Variants in PLCB4 observed in about 807,000 individuals in gnomAD.
PLCB4 encodes the protein phospholipase C beta 4, also known as 1-phosphatidylinositol 4,5-bisphosphate phosphodiesterase beta-4.
Under a neutral mutation model 178.8 loss-of-function variants are expected in PLCB4, and 77 were observed. That is an observed-to-expected ratio of 0.43 (90% CI 0.36 to 0.52). The LOEUF (loss-of-function observed/expected upper bound fraction) is 0.52, where lower values mean the gene tolerates loss of function less well. PLCB4 is among the 20% of genes least tolerant of loss of function. The probability of loss-of-function intolerance (pLI) is 0.00; values close to 1 mark genes in which losing one functional copy is unlikely to be tolerated. For synonymous variants in PLCB4, 496 were observed against 490.8 expected (o/e 1.01, Z -0.14); for missense variants, 1,024 against 1,453.4 (o/e 0.70, Z 4.80).
rs745730857 is a variant in PLCB4 at position 9,393,685 on chromosome 20, GA to G, written c.1414+10del. ...AAACCTGAAGTTGAAAAAAGTAAGTGAAACACACACATTTATAATGGAAGCA... is the reference window on the plus strand; with the variant it reads ...AAACCTGAAGTTGAAAAAAGTAAGTGAACACACACATTTATAATGGAAGCA... On this transcript the variant is annotated splice_region_variant and intron_variant, in intron 18 of 39. Transcript: ENST00000378473. 1.3e-6 allele frequency: 2 copies of G among 1,534,094 alleles called. No individual in the cohort carries two copies. Among genetic ancestry groups the G allele is most frequent in the East Asian group, 4.5e-5 (2 of 44,500 alleles).
intron 1 of PLCB4, among the ~76,000 whole-genome samples, chr20:9,079,430 C>G (rs1211083927): frequency 2.6e-5 from 4 of 152,106 alleles, no homozygotes; most frequent in African/African-American, 9.7e-5. Flanking sequence ...CTAGAGGGAC[C>G]CCGTCTGCCT....
At chr20:9,373,953 C>G (rs1476889594) in intron 12 of PLCB4, among the ~76,000 whole-genome samples, 1 of 152,020 alleles carries the variant, frequency 6.6e-6, no homozygotes, top group Non-Finnish European at 1.5e-5. Context: ...GAAGGATGGA[C>G]AGTATGCTTT....
intron 28 of PLCB4, among the ~76,000 whole-genome samples, chr20:9,424,153 A>G (rs1302852529): frequency 2.0e-5 from 3 of 152,200 alleles, no homozygotes; most frequent in African/African-American, 7.2e-5. Context: ...ACAAAACGAG[A>G]TGATCTCTAA....
At chr20:9,159,412 T>C (rs1030746395) in intron 2 of PLCB4, among the ~76,000 whole-genome samples, 1 of 152,162 alleles carries the variant, frequency 6.6e-6, no homozygotes, top group Non-Finnish European at 1.5e-5. Flanking sequence ...TTGATTATAG[T>C]GCAAAAAGTA....
intron 13 of PLCB4, among the ~76,000 whole-genome samples, chr20:9,383,933 G>T (rs140658483): frequency 6.6e-6 from 1 of 152,136 alleles, no homozygotes; most frequent in Non-Finnish European, 1.5e-5. Flanking sequence ...ATAACTCCCA[G>T]TGCTGTGTTT....
At chr20:9,339,356 G>A (rs757095224) in intron 7 of PLCB4, among the ~76,000 whole-genome samples, 1 of 152,062 alleles carries the variant, frequency 6.6e-6, no homozygotes, top group Admixed American at 6.6e-5. Context: ...CTGAGGTGGG[G>A]ACAAGATTCT....
At position 9,390,551 on chromosome 20, in the gene PLCB4, T is replaced by A; in HGVS notation, c.1259T>A (p.Met420Lys). The A allele has an allele frequency of 6.3e-7, 1 of 1,579,982 alleles. No homozygotes were observed. Among genetic ancestry groups the A allele is most frequent in the Non-Finnish European group, 8.7e-7 (1 of 1,148,972 alleles). Residue 420 changes from methionine (M) to lysine (K), a missense_variant, in exon 17 of 40, where the codon ATG becomes AAG. Physicochemically the swap from Met to Lys is moderately conservative, Grantham distance 95. This residue lies in a region of PLCB4 where 263 missense variants were observed against 417.4 expected (regional missense o/e 0.63). Transcript: ENST00000378473. ...NHCSKYQQYK[M>K]SKYCEDLFGD... ...TCCAGCAAATATCAACAGTACAAGA[T>A]GTCCAAATATTGCGAAGATCTATTT...
At chr20:9,441,300 A>G (rs1035584307) in intron 30 of PLCB4, among the ~76,000 whole-genome samples, 5 of 152,204 alleles carry the variant, frequency 3.3e-5, no homozygotes, top group African/African-American at 1.2e-4. Flanking sequence ...AGAGAAGTCT[A>G]TAGGTGTTCT....
intron 1 of PLCB4, among the ~76,000 whole-genome samples, chr20:9,085,124 G>T (rs1037320982): frequency 2.0e-5 from 3 of 151,540 alleles, no homozygotes; most frequent in African/African-American, 7.3e-5. Flanking sequence ...TTTTTAAACA[G>T]TATGGTGCTA....
intron 1 of PLCB4, 138 bp downstream of exon 1, chr20:9,069,344 G>A (rs2089446118): frequency 6.6e-6 from 1 of 152,258 alleles, no homozygotes. Context: ...CCGTGCAGGT[G>A]CCGGGTGCCA....
chr20:9,458,070 A>G (rs1328566450), intron 34 of PLCB4, among the ~76,000 whole-genome samples: 1 of 152,070 alleles, frequency 6.6e-6, no homozygotes, highest in East Asian at 1.9e-4. Context: ...TCTTCCAGCA[A>G]TGATAGTTTT....
At chr20:9,337,029 G>C (rs2032564036) in intron 4 of PLCB4, 97 bp from the exon 5 acceptor site, 1 of 788,774 alleles carries the variant, frequency 1.3e-6, no homozygotes, top group South Asian at 1.5e-5. Context: ...ATACAAAAGA[G>C]TGATTTCTAA....
At chr20:9,072,209 G>T (rs1256201828) in intron 1 of PLCB4, among the ~76,000 whole-genome samples, 2 of 152,144 alleles carry the variant, frequency 1.3e-5, no homozygotes, top group African/African-American at 4.8e-5. Context: ...GATGTGAACT[G>T]TGTTTGCAAG....
intron 3 of PLCB4, among the ~76,000 whole-genome samples, chr20:9,292,947 T>G (rs2094593525): frequency 2.0e-5 from 3 of 152,028 alleles, no homozygotes. Context: ...AGTGTGGTGG[T>G]ACACACGTGT....
chr20:9,429,536 G>A (rs1485310330), intron 28 of PLCB4, among the ~76,000 whole-genome samples: 3 of 152,232 alleles, frequency 2.0e-5, no homozygotes, highest in East Asian at 1.9e-4. Flanking sequence ...ACTTCCTCAA[G>A]TTATTTTTCT....
chr20:9,191,861 A>G (rs947557609), intron 2 of PLCB4, among the ~76,000 whole-genome samples: 6 of 151,492 alleles, frequency 4.0e-5, no homozygotes, highest in Non-Finnish European at 7.4e-5. Flanking sequence ...CTATGTCCAG[A>G]TATTAATTCA....
intron 32 of PLCB4, among the ~76,000 whole-genome samples, chr20:9,446,118 A>G (rs574191809): frequency 6.6e-6 from 1 of 152,292 alleles, no homozygotes; most frequent in South Asian, 2.1e-4. Flanking sequence ...CCTTATATGC[A>G]TTGTCTCATT....
At chr20:9,432,793 T>C (rs1358102258) in intron 28 of PLCB4, among the ~76,000 whole-genome samples, 1 of 152,176 alleles carries the variant, frequency 6.6e-6, no homozygotes, top group Non-Finnish European at 1.5e-5. Flanking sequence ...GGTTGACCAG[T>C]GACCACAGGG....
chr20:9,245,737 GTT>G, intron 3 of PLCB4, among the ~76,000 whole-genome samples: 1 of 147,330 alleles, frequency 6.8e-6, no homozygotes, highest in African/African-American at 2.5e-5. Flanking sequence ...TATCTGGTGG[GTT>G]TTTTTTTTTT....
Sources: gnomAD v4.1 joint callset for allele counts (sites outside exome capture counted in the v4.1 genomes callset) on GRCh38, gnomAD v4.1.1 for gene constraint, gnomAD v4.1.1 regional missense constraint, MANE v1.5 for transcripts, NCBI Gene and HGNC (gene_info 2026-07-23, HGNC 2026-07-21) for gene names.